Variants in SGCZ observed in about 807,000 individuals in gnomAD.
SGCZ encodes sarcoglycan zeta, also known as zeta-sarcoglycan.
SGCZ carries 40 observed loss-of-function variants against 41.3 expected under a neutral mutation model. The observed-to-expected ratio is 0.97, with a 90% CI of 0.75 to 1.26. SGCZ has a LOEUF of 1.26. SGCZ is among the 50% of genes most tolerant of loss of function. The pLI is 0.00. For synonymous variants in SGCZ, 206 were observed against 137.5 expected (o/e 1.50, Z -3.49); for missense variants, 552 against 369.8 (o/e 1.49, Z -4.04).
intron 1 of SGCZ, among the ~76,000 whole-genome samples, chr8:14,882,863 G>A (rs1585346549): frequency 1.3e-5 from 2 of 152,082 alleles, no homozygotes; most frequent in African/African-American, 4.8e-5. Flanking sequence ...ATGTGACTTT[G>A]TTATGTTCTC....
At chr8:14,591,412 C>T (rs1261038039) in intron 1 of SGCZ, among the ~76,000 whole-genome samples, 2 of 151,940 alleles carry the variant, frequency 1.3e-5, no homozygotes, top group Non-Finnish European at 2.9e-5. Context: ...AGAGCTCGTG[C>T]ATTTCCTAGA....
intron 2 of SGCZ, among the ~76,000 whole-genome samples, chr8:14,511,500 C>A (rs866219890): frequency 9.2e-5 from 14 of 151,966 alleles, no homozygotes; most frequent in African/African-American, 3.4e-4. Context: ...AATGCCAAAA[C>A]TGCTTAAGAA....
chr8:14,480,646 C>T (rs1180059147), intron 2 of SGCZ, among the ~76,000 whole-genome samples: 2 of 151,986 alleles, frequency 1.3e-5, no homozygotes, highest in African/African-American at 2.4e-5. Flanking sequence ...TCTAACCTTA[C>T]AAAAAACTTA....
intron 5 of SGCZ, among the ~76,000 whole-genome samples, chr8:14,146,890 A>AATAATAATAATAAT (rs1554467204): frequency 1.7e-5 from 2 of 116,186 alleles, no homozygotes; most frequent in African/African-American, 7.2e-5. Context: ...AAAATAAAAA[A>AATAATAATAATAAT]AATAATAATA....
intron 3 of SGCZ, among the ~76,000 whole-genome samples, chr8:14,275,258 G>T (rs1311990294): frequency 6.6e-6 from 1 of 152,112 alleles, no homozygotes; most frequent in Non-Finnish European, 1.5e-5. Context: ...CTGCAAGTTG[G>T]AATTCCTCCA....
At chr8:14,715,663 A>G (rs1446416943) in intron 1 of SGCZ, among the ~76,000 whole-genome samples, 1 of 152,192 alleles carries the variant, frequency 6.6e-6, no homozygotes, top group East Asian at 1.9e-4. Flanking sequence ...GGAAAAGCCT[A>G]CTACACTTTA....
chr8:14,553,118 C>A (rs113127392), intron 2 of SGCZ, among the ~76,000 whole-genome samples: 7 of 151,982 alleles, frequency 4.6e-5, no homozygotes, highest in African/African-American at 1.7e-4. Context: ...AACATTGCTC[C>A]TACCATACGA....
At chr8:15,094,803 T>C (rs1435215463) in intron 1 of SGCZ, among the ~76,000 whole-genome samples, 1 of 152,154 alleles carries the variant, frequency 6.6e-6, no homozygotes, top group Non-Finnish European at 1.5e-5. Context: ...TATGAGGAGC[T>C]TTCCCCTTCG....
intron 2 of SGCZ, among the ~76,000 whole-genome samples, chr8:14,479,350 T>G (rs1801456095): frequency 6.6e-6 from 1 of 152,168 alleles, no homozygotes; most frequent in Admixed American, 6.5e-5. Flanking sequence ...TCAGCGAGTC[T>G]CGTATTTCCT....
chr8:15,108,008 G>A (rs899852238), intron 1 of SGCZ, among the ~76,000 whole-genome samples: 1 of 152,040 alleles, frequency 6.6e-6, no homozygotes, highest in South Asian at 2.1e-4. Context: ...AATTTATACA[G>A]TCTTATTTTC....
intron 1 of SGCZ, among the ~76,000 whole-genome samples, chr8:15,001,200 CGAGA>C (rs147906268): frequency 1.3e-5 from 2 of 151,784 alleles, no homozygotes; most frequent in Admixed American, 6.6e-5. Flanking sequence ...GCAATTTTGA[CGAGA>C]GAGAGAGAGA....
intron 1 of SGCZ, among the ~76,000 whole-genome samples, chr8:14,953,921 T>C (rs1390951986): frequency 6.6e-6 from 1 of 152,218 alleles, no homozygotes; most frequent in Non-Finnish European, 1.5e-5. Flanking sequence ...CAGGAGATAC[T>C]GGCTAAATAT....
At chr8:14,163,738 C>A (rs888871820) in intron 5 of SGCZ, among the ~76,000 whole-genome samples, 1 of 152,122 alleles carries the variant, frequency 6.6e-6, no homozygotes, top group African/African-American at 2.4e-5. Flanking sequence ...TCTTCAATTG[C>A]CATGCTAACT....
intron 3 of SGCZ, among the ~76,000 whole-genome samples, chr8:14,268,357 GTA>G (rs61085889): frequency 4.0e-5 from 6 of 149,064 alleles, no homozygotes; most frequent in African/African-American, 4.9e-5. Context: ...ATATATATGT[GTA>G]TATATATATA....
intron 2 of SGCZ, among the ~76,000 whole-genome samples, chr8:14,498,543 T>C (rs917132879): frequency 2.6e-5 from 4 of 152,110 alleles, no homozygotes; most frequent in Non-Finnish European, 5.9e-5. Context: ...AACATTTACT[T>C]AGATATTTAC....
At chr8:14,701,207 G>A (rs1469236872) in intron 1 of SGCZ, among the ~76,000 whole-genome samples, 2 of 151,864 alleles carry the variant, frequency 1.3e-5, no homozygotes, top group Non-Finnish European at 2.9e-5. Context: ...TATTACTAAA[G>A]GTAGTTGCAG....
At chr8:14,285,022 T>C (rs1176903681) in intron 3 of SGCZ, among the ~76,000 whole-genome samples, 1 of 152,146 alleles carries the variant, frequency 6.6e-6, no homozygotes, top group East Asian at 1.9e-4. Flanking sequence ...TTCCCTCTTT[T>C]ATATTGGACA....
At chr8:15,177,325 G>A (rs1242058959) in intron 1 of SGCZ, among the ~76,000 whole-genome samples, 1 of 152,178 alleles carries the variant, frequency 6.6e-6, no homozygotes, top group Admixed American at 6.5e-5. Flanking sequence ...GCAGCTGATG[G>A]ATAACGAAAG....
chr8:14,322,821 AG>A (rs1267524563), intron 3 of SGCZ, among the ~76,000 whole-genome samples: 2 of 152,170 alleles, frequency 1.3e-5, no homozygotes, highest in African/African-American at 4.8e-5. Flanking sequence ...GCCAAACACA[AG>A]GACTCAGTAA....
Sources: allele counts gnomAD v4.1 joint callset (sites outside exome capture counted in the v4.1 genomes callset), GRCh38; gene constraint gnomAD v4.1.1; transcripts MANE v1.5; gene names NCBI Gene and HGNC (gene_info 2026-07-23, HGNC 2026-07-21).